Variants in MUC5B observed in about 807,000 individuals in gnomAD.
The protein encoded by MUC5B is mucin 5B, oligomeric mucus/gel-forming.
MUC5B carries 116 observed loss-of-function variants against 376.9 expected under a neutral mutation model. The ratio of observed to expected loss-of-function variants is 0.31; its 90% CI spans 0.26 to 0.36. The LOEUF (loss-of-function observed/expected upper bound fraction) is 0.36. Among genes scored for constraint, MUC5B ranks in the 10% least tolerant of loss-of-function variants. MUC5B has a pLI of 1.00. For synonymous variants in MUC5B, 3,517 were observed against 3,390.9 expected, an observed-to-expected ratio of 1.04 and a Z score of -1.29; for missense variants, 7,165 against 7,769.9, an observed-to-expected ratio of 0.92 and a Z score of 2.93.
At chr11:1,256,828 G>C in intron 39 of MUC5B, 57 bp downstream of exon 39, 1 of 1,412,352 alleles carries the variant, frequency 7.1e-7, no homozygotes, top group African/African-American at 1.5e-5. Context: ...AGCACACACA[G>C]GGTGGGAGGA....
At chr11:1,224,532 G>GTT (rs1861835193) in intron 1 of MUC5B, among the ~76,000 whole-genome samples, 1 of 144,492 alleles carries the variant, frequency 6.9e-6, no homozygotes, top group Non-Finnish European at 1.5e-5. Flanking sequence ...TGCCTGGGGC[G>GTT]GGGGAGGGGC....
At chr11:1,231,902 G>A (rs964192007) in intron 14 of MUC5B, 94 bp from the exon 15 acceptor site, 287 of 1,532,534 alleles carry the variant, frequency 1.9e-4, no homozygotes, top group Non-Finnish European at 2.4e-4. Flanking sequence ...GCTCCCAGCC[G>A]TTCCACCCTG....
In MUC5B at chr11:1,229,729, C is replaced by G; in HGVS notation, c.1142C>G (p.Pro381Arg). 2 of 1,596,078 alleles carry G rather than the reference C, an allele frequency of 1.3e-6. No individual in the cohort carries two copies. The highest frequency in any genetic ancestry group is 1.7e-6 in the Non-Finnish European group (2 of 1,173,960). ...LDDITHSGCL[P>R]LGQCPCTHGG... is the part of the protein sequence containing the mutation. The stretch of plus-strand genomic sequence containing the variant: ...GACATCACGCACTCTGGCTGCCTGC[C>G]CCTCGGGCAGTGCCCCTGCACCCAC... Residue 381 changes from proline to arginine, a missense_variant, in exon 10 of 49, where the codon CCC (proline) becomes CGC (arginine). By Grantham distance (103) the Pro-to-Arg change is moderately radical (BLOSUM62 -2). Transcript: ENST00000529681.
At position 1,257,674 on chromosome 11, in the gene MUC5B, C is replaced by G. The variant is rs769415078; in HGVS notation, c.16414C>G (p.Arg5472Gly). The G allele has an allele frequency of 6.3e-7, 1 of 1,576,254 alleles. No homozygotes were observed. Among genetic ancestry groups the G allele is most frequent in the Non-Finnish European group, 8.6e-7 (1 of 1,168,578 alleles). ...CGGCTTCGTAACCGTGACCAGGCCC[C>G]GGGCCGAGAACCCCTGCTGCCCCGA... ...RPGFVTVTRP[R>G]AENPCCPETV... is the part of the protein sequence containing the mutation. Residue 5472 changes from arginine (R) to glycine (G), a missense_variant, in exon 41 of 49, where the codon CGG (arginine) becomes GGG (glycine). By Grantham distance (125) the Arg-to-Gly change is moderately radical. This residue lies in a region of MUC5B where 842 missense variants were observed against 1,016.9 expected (regional missense o/e 0.83). Transcript: ENST00000529681. The surrounding 1 kb of genome is among the most constrained non-coding windows in gnomAD (Gnocchi z 8.9).
chr11:1,257,532 C>T lies in MUC5B; in HGVS notation c.16272C>T (p.Pro5424=), dbSNP rs140203744. ...CVGPDGFPKF[P]GERWVSNCQS... is the part of the protein sequence containing the mutation. ...GGGACCCCCTTGATCCATTCCAGCC[C>T]GGGGAGCGGTGGGTCAGCAACTGCC... is the stretch of plus-strand genomic sequence containing the variant. Residue 5424 remains proline (P), a splice_region_variant and synonymous_variant, in exon 41 of 49, where the codon CCC becomes CCT. Transcript: ENST00000529681. The surrounding 1 kb of genome is among the most constrained non-coding windows in gnomAD (Gnocchi z 8.9). The T allele has an allele frequency of 4.0e-4, 643 of 1,608,212 alleles. 2 individuals are homozygous for T. In the African/African-American group the frequency reaches 7.1e-3, roughly 18 times the overall value.
rs1861922091 is a variant in MUC5B, at chr11:1,227,789, C to T, written c.774+8C>T. 1.4e-6 allele frequency: 1 copy of T among 700,698 alleles called. No homozygotes were observed. The highest frequency in any genetic ancestry group is 2.7e-6 in the Non-Finnish European group (1 of 372,056). The allele number at this position is 700,698 out of a possible 1,614,324, so 43.4% of individuals were successfully genotyped here. ...GGCAACTGCACGGACGAGGTGAGTC[C>T]CCCGCCACCCCCAGCTCCTGGGCAG... On this transcript the variant is annotated splice_region_variant and intron_variant, in intron 7 of 48. Transcript: ENST00000529681.
chr11:1,227,645 G>A, intron 6 of MUC5B, 30 bp from the exon 7 acceptor site: 1 of 714,992 alleles, frequency 1.4e-6, no homozygotes, highest in South Asian at 1.5e-5. Flanking sequence ...GCCCCTCAGA[G>A]CCACCACACC....
intron 26 of MUC5B, 57 bp downstream of exon 26, chr11:1,239,084 G>T (rs1006131862): frequency 5.8e-6 from 9 of 1,541,960 alleles, no homozygotes; most frequent in Non-Finnish European, 7.9e-6. Context: ...CAGGGGAGGA[G>T]GTGTGGCAGC....
chr11:1,250,769 C>T lies in MUC5B; in HGVS notation c.13889C>T (p.Pro4630Leu), dbSNP rs766765589. Residue 4630 changes from proline to leucine, a missense_variant, in exon 31 of 49, where the codon CCC (proline) becomes CTC (leucine). Pro to Leu is a moderately conservative substitution (Grantham distance 98). Coordinates refer to ENST00000529681, the MANE Select transcript of MUC5B (RefSeq NM_002458.3). ...STTTTPTTTT[P>L]TTSGSTVTPS... ...ACCACCACACCCACAACCACCACACCCACAACCAGTGGCTCCACGGTGACC... is the reference window on the plus strand; with the variant it reads ...ACCACCACACCCACAACCACCACACTCACAACCAGTGGCTCCACGGTGACC... 3 of 1,613,174 alleles carry T rather than the reference C, an allele frequency of 1.9e-6. No homozygotes were observed. Among genetic ancestry groups the T allele is most frequent in the Non-Finnish European group, 2.5e-6 (3 of 1,179,498 alleles).
At position 1,223,108 on chromosome 11, in the gene MUC5B, C is replaced by G. The variant is rs543710907; in HGVS notation, c.-16C>G. 5.7e-6 allele frequency: 4 copies of G among 700,146 alleles called. No homozygotes were observed. In the East Asian group the frequency reaches 8.1e-5, roughly 14 times the overall value. 43.4% of individuals were successfully genotyped at this position (700,146 alleles called of 1,614,324 possible). A position where few individuals can be genotyped will look rare whatever the true frequency, so the allele number is the denominator to read the frequency against. ...CCCTGCCCGTCCCCGTCCCCCCACC[C>G]GTGCCAGCCCCCAGGATGGGTGCCC... On this transcript the variant is annotated 5_prime_UTR_variant, in exon 1 of 49. Coordinates refer to ENST00000529681, the MANE Select transcript of MUC5B (RefSeq NM_002458.3).
chr11:1,260,737 G>T lies in MUC5B; in HGVS notation c.17069+9G>T. ...TGCCCCGGAGCGTCCAAGTGAGTGG[G>T]CTCCTGGCCCTGTGCCAAGAGCACC... On this transcript the variant is annotated intron_variant, in intron 48 of 48. Transcript: ENST00000529681. 4 of 1,599,000 alleles carry T rather than the reference G, an allele frequency of 2.5e-6. No homozygotes were observed. Among genetic ancestry groups the T allele is most frequent in the Non-Finnish European group, 3.4e-6 (4 of 1,171,316 alleles).
chr11:1,226,786 G>T lies in MUC5B; in HGVS notation c.371G>T (p.Gly124Val), dbSNP rs548257512. 44 of 1,612,282 alleles carry T rather than the reference G, an allele frequency of 2.7e-5. No individual in the cohort carries two copies. The East Asian group carries it at 9.6e-4, about 35-fold the overall frequency. The change falls in exon 4 of 49, where the codon GGC (glycine) becomes GTC (valine). Residue 124 changes from glycine to valine, a missense_variant. Transcript: ENST00000529681. ...FNVQLRRGLV[G>V]SRPVVTRVVI... ...GTCCAGCTACGCCGAGGCCTAGTGG[G>T]CTCCAGGCCTGTGGTCACCCGTGTT...
At position 1,223,097 on chromosome 11, in the gene MUC5B, G is replaced by T; in HGVS notation, c.-27G>T. The T allele has an allele frequency of 1.9e-6, 1 of 524,382 alleles. No homozygotes were observed. Among genetic ancestry groups the T allele is most frequent in the Non-Finnish European group, 3.6e-6 (1 of 274,038 alleles). The allele number at this position is 524,382 out of a possible 1,614,324, so 32.5% of individuals were successfully genotyped here. On this transcript the variant is annotated 5_prime_UTR_variant, in exon 1 of 49. Coordinates refer to ENST00000529681, the MANE Select transcript of MUC5B (RefSeq NM_002458.3). ...CCCGGCTCCCTCCCTGCCCGTCCCC[G>T]TCCCCCCACCCGTGCCAGCCCCCAG...
At position 1,253,592 on chromosome 11, in the gene MUC5B, TG is replaced by T. The variant is rs1646606827; in HGVS notation, c.15218-498del. 6.6e-6 allele frequency among the ~76,000 whole-genome samples: 1 copy of T among 152,206 alleles called. No homozygotes were observed. The highest frequency in any genetic ancestry group is 6.5e-5 in the Admixed American group (1 of 15,290). On this transcript the variant is annotated intron_variant, in intron 33 of 48. Transcript: ENST00000529681. The surrounding 1 kb of genome is among the most constrained non-coding windows in gnomAD (Gnocchi z 4.3). ...AGAAACCCACTCTCCGTCCTGGAGC[TG>T]GAAGTCTGAGATCCAGGCGGGCAGG... is the stretch of plus-strand genomic sequence containing the variant.
rs201111558 is a variant in MUC5B at position 1,244,733 on chromosome 11, C to T, written c.7853C>T (p.Ala2618Val). 3,809 of 1,609,404 alleles carry T rather than the reference C, an allele frequency of 2.4e-3. 73 individuals carry two copies. In the African/African-American group the frequency reaches 0.043, roughly 18 times the overall value. Residue 2618 changes from alanine (A) to valine (V), a missense_variant, in exon 31 of 49, where the codon GCC becomes GTC. This residue lies in a region of MUC5B where 141 missense variants were observed against 111.2 expected (regional missense o/e 1.27). Transcript: ENST00000529681. The part of the protein sequence containing the change: ...VLTTTTTGFT[A>V]TPSSSPGTAR... The stretch of plus-strand genomic sequence containing the variant: ...ACTACCACAACCACGGGCTTCACAG[C>T]CACCCCCTCCTCCAGCCCAGGGACG...
intron 34 of MUC5B, 103 bp from the exon 35 acceptor site, chr11:1,254,591 A>AG (rs756256054): frequency 5.5e-4 from 721 of 1,304,102 alleles, no homozygotes; most frequent in Non-Finnish European, 7.0e-4. Flanking sequence ...GGGGATACAC[A>AG]GGGGGGTCTC....
chr11:1,257,634 G>A lies in MUC5B; in HGVS notation c.16374G>A (p.Pro5458=), dbSNP rs908599764. 1.1e-5 allele frequency: 18 copies of A among 1,599,526 alleles called. No individual in the cohort carries two copies. Among genetic ancestry groups the A allele is most frequent in the African/African-American group, 4.0e-5 (3 of 74,872 alleles). Residue 5458 remains proline (P), a synonymous_variant, in exon 41 of 49, where the codon CCG becomes CCA. Transcript: ENST00000529681. This position sits in a 1 kb window ranked among gnomAD's most constrained non-coding sequence, Gnocchi z 8.9. ...CCTGTGACGCCCAGGGTCAGCCCCC[G>A]CCGTGCAACCGTCCCGGCTTCGTAA... ...PLPCDAQGQP[P]PCNRPGFVTV...
In MUC5B at chr11:1,250,150, C is replaced by T; in HGVS notation, c.13270C>T (p.Leu4424=). 1 of 1,611,656 alleles carries T rather than the reference C, an allele frequency of 6.2e-7. No homozygotes were observed. Among genetic ancestry groups the T allele is most frequent in the Non-Finnish European group, 8.5e-7 (1 of 1,178,732 alleles). ...TPGTTWILTE[L]TTTATTTAST... is the part of the protein sequence containing the mutation. The stretch of plus-strand genomic sequence containing the variant: ...AGGGACCACCTGGATCCTCACAGAG[C>T]TGACCACAACAGCCACTACGACTGC... The change falls in exon 31 of 49, where the codon CTG becomes TTG. Residue 4424 remains leucine, a synonymous_variant. Transcript: ENST00000529681.
chr11:1,257,108 C>G lies in MUC5B; in HGVS notation c.16238-132C>G, dbSNP rs767984270. The G allele has an allele frequency of 1.0e-5, 7 of 698,122 alleles. No individual in the cohort carries two copies. The highest frequency in any genetic ancestry group is 1.6e-5 in the Non-Finnish European group (6 of 374,878). The allele number at this position is 698,122 out of a possible 1,614,324, so 43.2% of individuals were successfully genotyped here. Reference sequence around the variant, plus strand: ...GCCTGAGCTCCAGCCACATCTGACACCCCAAAAGTTCTCCAGGGCCTTCCA... The same window carrying G: ...GCCTGAGCTCCAGCCACATCTGACAGCCCAAAAGTTCTCCAGGGCCTTCCA... On this transcript the variant is annotated intron_variant, in intron 39 of 48. Coordinates refer to ENST00000529681, the MANE Select transcript of MUC5B (RefSeq NM_002458.3). This position sits in a 1 kb window ranked among gnomAD's most constrained non-coding sequence, Gnocchi z 8.9.
Sources: gnomAD v4.1 joint callset for allele counts (sites outside exome capture counted in the v4.1 genomes callset) on GRCh38, gnomAD v4.1.1 for gene constraint, gnomAD v4.1.1 regional missense constraint, Gnocchi (gnomAD v3.1) non-coding constraint, MANE v1.5 for transcripts, NCBI Gene and HGNC (gene_info 2026-07-23, HGNC 2026-07-21) for gene names.